Variants in PTPRD observed in about 807,000 individuals in gnomAD.
The protein encoded by PTPRD is protein tyrosine phosphatase receptor type D, also known as receptor-type tyrosine-protein phosphatase delta.
Under a neutral mutation model 214.5 loss-of-function variants are expected in PTPRD, and 34 were observed. The observed-to-expected ratio is 0.16, with a 90% CI of 0.12 to 0.21. PTPRD has a LOEUF of 0.21. Among genes scored for constraint, PTPRD ranks in the 10% least tolerant of loss-of-function variants. The pLI is 1.00. For synonymous variants in PTPRD, 1,128 were observed against 845.7 expected (o/e 1.33, Z -5.79); for missense variants, 2,545 against 2,398.7 (o/e 1.06, Z -1.27).
At chr9:9,300,826 A>G (rs1189159406) in intron 9 of PTPRD, among the ~76,000 whole-genome samples, 1 of 151,866 alleles carries the variant, frequency 6.6e-6, no homozygotes, top group Admixed American at 6.6e-5. Context: ...ATCAATCCAT[A>G]ATGACTAATA....
chr9:9,283,866 A>G (rs1200928613), intron 9 of PTPRD, among the ~76,000 whole-genome samples: 1 of 151,658 alleles, frequency 6.6e-6, no homozygotes, highest in Admixed American at 6.6e-5. Flanking sequence ...TTCCTTGTTC[A>G]ATATACTTAC....
chr9:9,279,201 T>C (rs928430379), intron 9 of PTPRD, among the ~76,000 whole-genome samples: 4 of 150,666 alleles, frequency 2.7e-5, no homozygotes, highest in Admixed American at 1.3e-4. Context: ...TATGTGTATA[T>C]GATTATATAC....
At chr9:8,483,427 T>C (rs572164003) in intron 30 of PTPRD, among the ~76,000 whole-genome samples, 2 of 152,338 alleles carry the variant, frequency 1.3e-5, no homozygotes, top group African/African-American at 2.4e-5. Flanking sequence ...GTTAATCACC[T>C]ATTCACCTTA....
At chr9:9,632,902 G>C (rs978703441) in intron 7 of PTPRD, among the ~76,000 whole-genome samples, 17 of 152,170 alleles carry the variant, frequency 1.1e-4, no homozygotes, top group African/African-American at 4.1e-4. Flanking sequence ...AATGAAGAGA[G>C]AGATTTCATG....
intron 3 of PTPRD, among the ~76,000 whole-genome samples, chr9:10,193,088 G>C (rs934550245): frequency 6.6e-6 from 1 of 151,960 alleles, no homozygotes; most frequent in Non-Finnish European, 1.5e-5. Context: ...AAATAGCTTT[G>C]TCAATTTCCA....
chr9:10,144,721 G>C (rs1020189020), intron 3 of PTPRD, among the ~76,000 whole-genome samples: 1 of 152,148 alleles, frequency 6.6e-6, no homozygotes, highest in South Asian at 2.1e-4. Context: ...TAATGAATCA[G>C]CTAAGGAGCC....
chr9:8,984,149 C>T (rs1349162916), intron 11 of PTPRD, among the ~76,000 whole-genome samples: 1 of 151,892 alleles, frequency 6.6e-6, no homozygotes, highest in South Asian at 2.1e-4. Flanking sequence ...ATCATAAAAA[C>T]AATACAAAGA....
intron 3 of PTPRD, among the ~76,000 whole-genome samples, chr9:10,251,306 A>C (rs1051540953): frequency 2.6e-5 from 4 of 152,156 alleles, no homozygotes; most frequent in African/African-American, 9.7e-5. Context: ...TTTAGACATG[A>C]ATCTCTACCT....
At chr9:9,943,687 G>A (rs1362879469) in intron 4 of PTPRD, among the ~76,000 whole-genome samples, 1 of 152,110 alleles carries the variant, frequency 6.6e-6, no homozygotes, top group African/African-American at 2.4e-5. Context: ...ATCTGAATAA[G>A]AATTTGAAGG....
At chr9:8,999,689 G>A (rs1056393543) in intron 11 of PTPRD, among the ~76,000 whole-genome samples, 2 of 151,862 alleles carry the variant, frequency 1.3e-5, no homozygotes, top group African/African-American at 4.8e-5. Context: ...ACATGGCTGG[G>A]AATATTTCGA....
intron 8 of PTPRD, among the ~76,000 whole-genome samples, chr9:9,463,886 G>C (rs1450801217): frequency 6.6e-6 from 1 of 152,020 alleles, no homozygotes; most frequent in African/African-American, 2.4e-5. Flanking sequence ...CTCCCAAATA[G>C]TATCAAGGAA....
At chr9:9,774,428 T>C (rs1290249990) in intron 5 of PTPRD, among the ~76,000 whole-genome samples, 1 of 152,174 alleles carries the variant, frequency 6.6e-6, no homozygotes, top group African/African-American at 2.4e-5. Flanking sequence ...TGATTTGGGC[T>C]CAGGGTCCAA....
chr9:8,327,463 AAT>A (rs1456466459), intron 44 of PTPRD, among the ~76,000 whole-genome samples: 3 of 152,094 alleles, frequency 2.0e-5, no homozygotes, highest in Non-Finnish European at 4.4e-5. Flanking sequence ...ATATGTGGTC[AAT>A]GTTAGAATAA....
At chr9:9,704,806 A>G (rs1479652741) in intron 7 of PTPRD, among the ~76,000 whole-genome samples, 1 of 152,226 alleles carries the variant, frequency 6.6e-6, no homozygotes, top group African/African-American at 2.4e-5. Flanking sequence ...AGTGACAGAC[A>G]TAAGTGAAAC....
intron 7 of PTPRD, among the ~76,000 whole-genome samples, chr9:9,670,662 C>T (rs1354026139): frequency 6.6e-6 from 1 of 152,208 alleles, no homozygotes; most frequent in Admixed American, 6.5e-5. Flanking sequence ...TGCGTCCCAG[C>T]TGTGCCTGCC....
At chr9:9,588,808 T>C (rs868428754) in intron 7 of PTPRD, among the ~76,000 whole-genome samples, 4 of 151,940 alleles carry the variant, frequency 2.6e-5, no homozygotes, top group Non-Finnish European at 4.4e-5. Flanking sequence ...TTTAGCTGAG[T>C]ATAATGAGGA....
Position 9,505,982 on chromosome 9 carries a change from A to C in PTPRD, c.-237+68750T>G, listed in dbSNP as rs2096561789. 2.0e-5 allele frequency among the ~76,000 whole-genome samples: 3 copies of C among 151,398 alleles called. No homozygotes were observed. The Admixed American group carries it at 2.0e-4, about 10-fold the overall frequency. ...GAAAAAAAATAATTTGAGAGTAGATAATCTCATAATCTAAGGACACAGGTC... is the reference window on the plus strand; with the variant it reads ...GAAAAAAAATAATTTGAGAGTAGATCATCTCATAATCTAAGGACACAGGTC... On this transcript the variant is annotated intron_variant, in intron 8 of 45. Coordinates refer to ENST00000381196, the MANE Select transcript of PTPRD (RefSeq NM_002839.4).
At chr9:9,188,680 C>G (rs1425048260) in intron 9 of PTPRD, among the ~76,000 whole-genome samples, 4 of 151,948 alleles carry the variant, frequency 2.6e-5, no homozygotes, top group Admixed American at 2.0e-4. Context: ...TCTAACAACC[C>G]TTTTAAGGAT....
At chr9:9,559,035 G>A (rs916187388) in intron 8 of PTPRD, among the ~76,000 whole-genome samples, 6 of 152,176 alleles carry the variant, frequency 3.9e-5, no homozygotes, top group Admixed American at 1.3e-4. Context: ...GTTCCAGTCC[G>A]GGGGGGTAGC....
Sources: allele counts gnomAD v4.1 joint callset (sites outside exome capture counted in the v4.1 genomes callset), GRCh38; gene constraint gnomAD v4.1.1; transcripts MANE v1.5; gene names NCBI Gene and HGNC (gene_info 2026-07-23, HGNC 2026-07-21).